RBFOX1: variants seen among roughly 807,000 people sequenced by gnomAD.
RBFOX1 encodes the protein RNA binding fox-1 homolog 1.
Under a neutral mutation model 57.7 loss-of-function variants are expected in RBFOX1, and 8 were observed. That is an observed-to-expected ratio of 0.14 (90% CI 0.08 to 0.25). RBFOX1 has a LOEUF of 0.25. Among genes scored for constraint, RBFOX1 ranks in the 10% least tolerant of loss-of-function variants. The probability of loss-of-function intolerance (pLI) is 1.00; values close to 1 mark genes in which losing one functional copy is unlikely to be tolerated. For synonymous variants in RBFOX1, 326 were observed against 222.4 expected (o/e 1.47, Z -4.15); for missense variants, 611 against 548.5 (o/e 1.11, Z -1.14).
At chr16:7,664,042 C>T (rs965697257) in intron 12 of RBFOX1, among the ~76,000 whole-genome samples, 3 of 152,122 alleles carry the variant, frequency 2.0e-5, no homozygotes, top group African/African-American at 7.2e-5. Flanking sequence ...TCAGATTGGG[C>T]TTGTTCAATC....
intron 3 of RBFOX1, among the ~76,000 whole-genome samples, chr16:6,914,879 C>G (rs1353264923): frequency 6.6e-6 from 1 of 152,180 alleles, no homozygotes; most frequent in East Asian, 1.9e-4. Context: ...CAGAGCAAGA[C>G]CCTCTCAAAA....
intron 2 of RBFOX1, among the ~76,000 whole-genome samples, chr16:5,589,237 A>G (rs1285499286): frequency 1.3e-5 from 2 of 152,160 alleles, no homozygotes; most frequent in East Asian, 3.9e-4. Context: ...TGGAGGGAAC[A>G]TGAGTGTACC....
chr16:6,584,475 C>T (rs1213437335), intron 2 of RBFOX1, among the ~76,000 whole-genome samples: 1 of 151,686 alleles, frequency 6.6e-6, no homozygotes, highest in Admixed American at 6.6e-5. Context: ...TCCAGCAATT[C>T]TCTTGCCTTA....
intron 2 of RBFOX1, among the ~76,000 whole-genome samples, chr16:6,588,450 C>T (rs180704617): frequency 1.3e-4 from 20 of 151,450 alleles, no homozygotes; most frequent in African/African-American, 7.3e-5. Context: ...GTCAGGAGTT[C>T]GGGACCAGCC....
At chr16:5,851,756 A>G (rs11860521) in intron 3 of RBFOX1, among the ~76,000 whole-genome samples, 1,963 of 152,288 alleles carry the variant, frequency 0.013, 47 homozygotes, top group African/African-American at 0.044. Context: ...GTCATTGTTC[A>G]TGTCCGTTCA....
At chr16:5,578,817 T>A (rs116522338) in intron 2 of RBFOX1, among the ~76,000 whole-genome samples, 1 of 149,096 alleles carries the variant, frequency 6.7e-6, no homozygotes, top group Non-Finnish European at 1.5e-5. Flanking sequence ...TACTAGCGCA[T>A]GAAACCTCCA....
At chr16:6,079,155 A>G (rs1405502203) in intron 1 of RBFOX1, among the ~76,000 whole-genome samples, 1 of 34,400 alleles carries the variant, frequency 2.9e-5, no homozygotes, top group Non-Finnish European at 4.9e-5. Flanking sequence ...CTGAAAATAA[A>G]GAAAATTACC....
intron 2 of RBFOX1, among the ~76,000 whole-genome samples, chr16:6,546,647 T>A (rs2096900172): frequency 6.6e-6 from 1 of 152,218 alleles, no homozygotes; most frequent in Admixed American, 6.5e-5. Flanking sequence ...CACATCCACC[T>A]TACTGACCTC....
At chr16:7,285,666 A>T (rs796899300) in intron 4 of RBFOX1, among the ~76,000 whole-genome samples, 1 of 152,136 alleles carries the variant, frequency 6.6e-6, no homozygotes, top group Admixed American at 6.5e-5. Flanking sequence ...TTTTTGATCA[A>T]CGTAATTCCC....
At chr16:7,001,865 ACTTTT>A (rs2092839357) in intron 3 of RBFOX1, among the ~76,000 whole-genome samples, 1 of 152,174 alleles carries the variant, frequency 6.6e-6, no homozygotes, top group South Asian at 2.1e-4. Context: ...ACTTGTCTCA[ACTTTT>A]CTTATTAAGT....
At chr16:5,338,146 C>T (rs914044745) in intron 1 of RBFOX1, among the ~76,000 whole-genome samples, 2 of 150,248 alleles carry the variant, frequency 1.3e-5, no homozygotes, top group Admixed American at 6.6e-5. Context: ...GTGGTTGTTA[C>T]TGAGCCTTAT....
chr16:7,476,575 G>A (rs1599414042), intron 4 of RBFOX1, among the ~76,000 whole-genome samples: 1 of 152,304 alleles, frequency 6.6e-6, no homozygotes, highest in Non-Finnish European at 1.5e-5. Context: ...TGCAGACGTA[G>A]GGGGCTAAAT....
At chr16:7,709,490 A>G (rs2061095475) in intron 15 of RBFOX1, 4 of 1,475,212 alleles carry the variant, frequency 2.7e-6, no homozygotes, top group African/African-American at 1.4e-5. Context: ...GCTCATTCAC[A>G]TAGCCCCAAG....
intron 2 of RBFOX1, among the ~76,000 whole-genome samples, chr16:5,568,383 G>T (rs2046146994): frequency 6.6e-6 from 1 of 152,124 alleles, no homozygotes; most frequent in Non-Finnish European, 1.5e-5. Context: ...ATACCTGATG[G>T]GATGTCTATA....
chr16:5,298,430 C>T (rs1352449346), intron 1 of RBFOX1, among the ~76,000 whole-genome samples: 1 of 127,252 alleles, frequency 7.9e-6, no homozygotes, highest in Admixed American at 7.8e-5. Flanking sequence ...CATCTCTCTC[C>T]CCTTCCCTCC....
chr16:7,323,553 G>A (rs1018008696), intron 4 of RBFOX1, among the ~76,000 whole-genome samples: 1 of 152,256 alleles, frequency 6.6e-6, no homozygotes, highest in South Asian at 2.1e-4. Context: ...TAGTTTTGTA[G>A]CCTCTCAGTT....
At chr16:5,310,551 C>A (rs552592332) in intron 1 of RBFOX1, among the ~76,000 whole-genome samples, 1 of 152,254 alleles carries the variant, frequency 6.6e-6, no homozygotes, top group South Asian at 2.1e-4. Context: ...GATAATTGTA[C>A]CTGTCCAGGT....
At chr16:7,662,424 C>A (rs2067997695) in intron 12 of RBFOX1, among the ~76,000 whole-genome samples, 1 of 152,132 alleles carries the variant, frequency 6.6e-6, no homozygotes, top group South Asian at 2.1e-4. Context: ...TTGAATTCTA[C>A]CTGGAGTTGG....
intron 2 of RBFOX1, among the ~76,000 whole-genome samples, chr16:6,523,280 A>AG (rs970052201): frequency 4.3e-4 from 66 of 151,986 alleles, no homozygotes; most frequent in African/African-American, 1.5e-3. Flanking sequence ...AGACAGAGGG[A>AG]GGGGGGGTTA....
Sources: gnomAD v4.1 joint callset for allele counts (sites outside exome capture counted in the v4.1 genomes callset) on GRCh38, gnomAD v4.1.1 for gene constraint, MANE v1.5 for transcripts, NCBI Gene and HGNC (gene_info 2026-07-23, HGNC 2026-07-21) for gene names.